LRRC49: variants seen among roughly 807,000 people sequenced by gnomAD.
LRRC49 encodes leucine-rich repeat-containing protein 49.
A neutral mutation model predicts 83.3 loss-of-function variants in LRRC49; 50 were observed. The observed-to-expected ratio is 0.60, with a 90% confidence interval of 0.48 to 0.76. The LOEUF (loss-of-function observed/expected upper bound fraction) is 0.76, where lower values mean the gene tolerates loss of function less well. LRRC49 is among the 30% of genes least tolerant of loss of function. LRRC49 has a pLI of 0.00. For missense variants in LRRC49, 704 were observed against 809.1 expected (o/e 0.87, Z 1.58); for synonymous variants, 286 against 283.3 (o/e 1.01, Z -0.10).
rs539393656 is a variant in LRRC49, at chr15:70,884,499, G to A, written c.19-9085G>A. On this transcript the variant is annotated intron_variant, in intron 2 of 16. Coordinates refer to the LRRC49 transcript ENST00000544974. ...CACACCACTGCACTCCAGCCTGGGC[G>A]ACAGAGTGAGGCTCTGTTTCAAACA... is the stretch of plus-strand genomic sequence containing the variant. Among the ~76,000 whole-genome samples the A allele has an allele frequency of 2.0e-4, 30 of 151,858 alleles. 1 individual carries two copies. In the South Asian group the frequency reaches 5.6e-3, roughly 28 times the overall value.
chr15:71,000,455 A>G (rs2038218115), intron 11 of LRRC49, among the ~76,000 whole-genome samples: 1 of 152,178 alleles, frequency 6.6e-6, no homozygotes, highest in African/African-American at 2.4e-5. Context: ...AGTCTCTATA[A>G]TATAACAATT....
Position 71,007,709 on chromosome 15 carries a change from G to GTA in LRRC49, c.1170-639_1170-638dup, listed in dbSNP as rs55946096. 6.5e-3 allele frequency among the ~76,000 whole-genome samples: 890 copies of GTA among 137,628 alleles called. 4 individuals are homozygous for GTA. The highest frequency in any genetic ancestry group is 0.013 in the African/African-American group (482 of 36,584). The allele number at this position is 137,628 out of a possible 152,430, so 90.3% of individuals were successfully genotyped here. ...AAATTCAGTGCAGTATGAGAAGCAT[G>GTA]TATATATATATATATATATATATAT... On this transcript the variant is annotated intron_variant, in intron 11 of 15. Coordinates refer to ENST00000260382, the MANE Select transcript of LRRC49 (RefSeq NM_017691.5).
chr15:70,918,083 G>A (rs1257222983), intron 6 of LRRC49: 2 of 152,364 alleles, frequency 1.3e-5, no homozygotes, highest in African/African-American at 4.8e-5. Flanking sequence ...TGCTTGCAGT[G>A]TTCCTGGTCC....
intron 10 of LRRC49, among the ~76,000 whole-genome samples, chr15:70,981,695 G>C (rs972655022): frequency 1.3e-5 from 2 of 151,896 alleles, no homozygotes; most frequent in African/African-American, 4.8e-5. Flanking sequence ...AGACTCAAAT[G>C]GCAGAAACTG....
intron 3 of LRRC49, chr15:70,898,291 C>A: frequency 1.6e-6 from 1 of 636,828 alleles, no homozygotes; most frequent in Non-Finnish European, 2.8e-6. Flanking sequence ...GTAACACACG[C>A]AAAATAGATT....
chr15:70,988,017 C>T (rs1286333692), intron 11 of LRRC49, among the ~76,000 whole-genome samples: 1 of 152,030 alleles, frequency 6.6e-6, no homozygotes, highest in Non-Finnish European at 1.5e-5. Context: ...GTTATAATTT[C>T]TGATCTTTTA....
At chr15:70,863,658 A>G (rs905517779) in intron 1 of LRRC49, among the ~76,000 whole-genome samples, 34 of 152,324 alleles carry the variant, frequency 2.2e-4, no homozygotes, top group African/African-American at 7.9e-4. Context: ...CAAAGCCTCC[A>G]TTGTCAGAAA....
intron 1 of LRRC49, among the ~76,000 whole-genome samples, chr15:70,862,386 G>A (rs1444134219): frequency 6.6e-6 from 1 of 151,978 alleles, no homozygotes; most frequent in East Asian, 1.9e-4. Context: ...AGACCATCCT[G>A]GCTAACAACG....
intron 2 of LRRC49, among the ~76,000 whole-genome samples, chr15:70,880,933 C>G (rs1490972622): frequency 6.6e-6 from 1 of 152,180 alleles, no homozygotes; most frequent in Non-Finnish European, 1.5e-5. Flanking sequence ...ATAATGCTCT[C>G]TTAAAACAGG....
At chr15:70,977,480 A>G (rs2037246833) in intron 9 of LRRC49, among the ~76,000 whole-genome samples, 1 of 152,098 alleles carries the variant, frequency 6.6e-6, no homozygotes, top group African/African-American at 2.4e-5. Flanking sequence ...CCCTGTCTCT[A>G]CTAAAAATAC....
intron 11 of LRRC49, among the ~76,000 whole-genome samples, chr15:70,987,006 G>C (rs1321449552): frequency 6.6e-6 from 1 of 152,150 alleles, no homozygotes; most frequent in African/African-American, 2.4e-5. Context: ...TGGTGGATAA[G>C]CTTTTTGATG....
intron 6 of LRRC49, among the ~76,000 whole-genome samples, chr15:70,912,728 G>A (rs930805183): frequency 6.6e-6 from 1 of 151,966 alleles, no homozygotes; most frequent in Non-Finnish European, 1.5e-5. Context: ...CCAGGCTGGA[G>A]TGCAGTGGTG....
chr15:70,940,995 A>G (rs918877270), intron 8 of LRRC49, among the ~76,000 whole-genome samples: 1 of 152,226 alleles, frequency 6.6e-6, no homozygotes, highest in Non-Finnish European at 1.5e-5. Context: ...CCATAAAAAC[A>G]AGATTTAAAA....
At chr15:70,992,318 A>T (rs2037911739) in intron 11 of LRRC49, among the ~76,000 whole-genome samples, 1 of 152,206 alleles carries the variant, frequency 6.6e-6, no homozygotes, top group Non-Finnish European at 1.5e-5. Flanking sequence ...CTCGTCAGTC[A>T]TTCTCCGTCC....
chr15:70,854,905 T>C (rs1595960780), intron 1 of LRRC49, among the ~76,000 whole-genome samples: 1 of 152,194 alleles, frequency 6.6e-6, no homozygotes, highest in African/African-American at 2.4e-5. Flanking sequence ...CTCAGATGTT[T>C]GTTGAATGAA....
chr15:70,962,964 G>A (rs763961996), intron 8 of LRRC49, among the ~76,000 whole-genome samples: 1 of 151,960 alleles, frequency 6.6e-6, no homozygotes, highest in Non-Finnish European at 1.5e-5. Context: ...ACAGTAATAA[G>A]TCATATTAAT....
chr15:70,858,529 G>A (rs140391340), intron 1 of LRRC49, among the ~76,000 whole-genome samples: 353 of 152,320 alleles, frequency 2.3e-3, no homozygotes, highest in Non-Finnish European at 3.7e-3. Flanking sequence ...GCTTGAACCC[G>A]GGACGTGGAG....
At chr15:70,939,045 T>C (rs2035706666) in intron 8 of LRRC49, among the ~76,000 whole-genome samples, 1 of 152,242 alleles carries the variant, frequency 6.6e-6, no homozygotes, top group Admixed American at 6.5e-5. Context: ...TATGTTATTT[T>C]ACTATAGACA....
chr15:70,888,776 C>A (rs2141090039), upstream of LRRC49, among the ~76,000 whole-genome samples: 1 of 152,182 alleles, frequency 6.6e-6, no homozygotes, highest in Non-Finnish European at 1.5e-5. Context: ...GACAGACAAT[C>A]CAACAGAAAA....
Sources: gnomAD v4.1 joint callset for allele counts (sites outside exome capture counted in the v4.1 genomes callset) on GRCh38, gnomAD v4.1.1 for gene constraint, MANE v1.5 for transcripts, NCBI Gene and HGNC (gene_info 2026-07-23, HGNC 2026-07-21) for gene names.